Variants in MYL10 observed in about 807,000 individuals in gnomAD.
MYL10 encodes the protein myosin light chain 10, also known as myosin regulatory light chain 10.
In MYL10, 18 loss-of-function variants were observed where a neutral mutation model predicts 21.9. That is an observed-to-expected ratio of 0.82 (90% CI 0.57 to 1.22). MYL10 has a LOEUF of 1.22. MYL10 is among the 50% of genes most tolerant of loss of function. MYL10 has a pLI of 0.00. For synonymous variants in MYL10, 88 were observed against 82.8 expected (o/e 1.06, Z -0.34); for missense variants, 225 against 230.4 (o/e 0.98, Z 0.15).
chr7:101,622,212 G>A lies in MYL10; in HGVS notation c.350-12C>T. On this transcript the variant is annotated splice_polypyrimidine_tract_variant and intron_variant, in intron 4 of 7. Coordinates refer to ENST00000223167, the MANE Select transcript of MYL10 (RefSeq NM_138403.5). ...GACATTGATGCGGCCTGTGGGAGGT[G>A]AGAGGTGGGGGCAGGGAGGATAAGA... The A allele has an allele frequency of 6.2e-7, 1 of 1,602,320 alleles. No individual in the cohort carries two copies. The highest frequency in any genetic ancestry group is 8.5e-7 in the Non-Finnish European group (1 of 1,170,612).
intron 5 of MYL10, among the ~76,000 whole-genome samples, chr7:101,618,801 A>G (rs554675180): frequency 7.2e-5 from 11 of 152,248 alleles, no homozygotes; most frequent in Middle Eastern, 3.4e-3. Flanking sequence ...GCGCCCCTGC[A>G]AAAATGAGAA....
At chr7:101,625,955 A>G (rs1796741023) in intron 1 of MYL10, among the ~76,000 whole-genome samples, 1 of 120,570 alleles carries the variant, frequency 8.3e-6, no homozygotes, top group Admixed American at 9.6e-5. Flanking sequence ...CCCACCCTAC[A>G]CTGTCCCAGA....
At chr7:101,628,966 A>T (rs1486222809) in intron 1 of MYL10, 75 bp downstream of exon 1, 4 of 438,316 alleles carry the variant, frequency 9.1e-6, no homozygotes, top group Non-Finnish European at 1.8e-5. Context: ...GAGGAAACTG[A>T]GGCACGCATG....
chr7:101,622,262 G>A (rs1796689285), intron 4 of MYL10, 62 bp from the exon 5 acceptor site: 14 of 1,334,458 alleles, frequency 1.0e-5, no homozygotes, highest in Non-Finnish European at 1.4e-5. Context: ...GGCCTCGGAG[G>A]ATCCCACAAA....
Position 101,619,502 on chromosome 7 carries a change from C to T in MYL10, c.454+2594G>A, listed in dbSNP as rs187451847. Among the ~76,000 whole-genome samples the T allele has an allele frequency of 6.2e-4, 94 of 152,292 alleles. 2 individuals carry two copies. The East Asian group carries it at 0.017, about 28-fold the overall frequency. On this transcript the variant is annotated intron_variant, in intron 5 of 7. Transcript: ENST00000223167. ...GGCTGCTCTACCCCACAGCAGGTCA[C>T]GACCCATGACAGTACTGATTTTTCA...
rs143530980 is a variant in MYL10, at chr7:101,622,430, T to G, written c.350-230A>C. On this transcript the variant is annotated intron_variant, in intron 4 of 7. Transcript: ENST00000223167. Reference sequence around the variant, plus strand: ...AGTCACTCTCATCCCCATTTTACGGTGAAGAAACTGAGGCCCAAGAAGCTG... The same window carrying G: ...AGTCACTCTCATCCCCATTTTACGGGGAAGAAACTGAGGCCCAAGAAGCTG... Among the ~76,000 whole-genome samples the G allele has an allele frequency of 4.2e-3, 642 of 152,070 alleles. 2 individuals carry two copies. The highest frequency in any genetic ancestry group is 0.015 in the African/African-American group (617 of 41,484).
chr7:101,616,272 G>A lies in MYL10; in HGVS notation c.481C>T (p.His161Tyr), dbSNP rs1333917797. The A allele has an allele frequency of 6.2e-7, 1 of 1,614,158 alleles. No homozygotes were observed. Among genetic ancestry groups the A allele is most frequent in the Non-Finnish European group, 8.5e-7 (1 of 1,180,000 alleles). The change falls in exon 6 of 8, where the codon CAC becomes TAC. Residue 161 changes from histidine to tyrosine, a missense_variant. Coordinates refer to ENST00000223167, the MANE Select transcript of MYL10 (RefSeq NM_138403.5). ...KGTDPEETIL[H>Y]AFKVFDTEGK... ...TCAGTGTCGAACACTTTGAAGGCGT[G>A]GAGAATGGTCTCCTCTGGGTCCGTG... is the stretch of plus-strand genomic sequence containing the variant.
At chr7:101,621,646 T>C (rs1274151845) in intron 5 of MYL10, among the ~76,000 whole-genome samples, 1 of 151,998 alleles carries the variant, frequency 6.6e-6, no homozygotes, top group Non-Finnish European at 1.5e-5. Context: ...TGGAGTGCAG[T>C]GGTGCGATCT....
chr7:101,622,228 G>A, intron 4 of MYL10, 28 bp from the exon 5 acceptor site: 5 of 1,547,260 alleles, frequency 3.2e-6, no homozygotes, highest in Non-Finnish European at 4.4e-6. Flanking sequence ...TGGGGGCAGG[G>A]AGGATAAGAG....
rs186156264 is a variant in MYL10, at chr7:101,617,807, C to T, written c.455-1509G>A. Among the ~76,000 whole-genome samples the T allele has an allele frequency of 9.9e-5, 15 of 151,824 alleles. No individual in the cohort carries two copies. The East Asian group carries it at 2.1e-3, about 22-fold the overall frequency. On this transcript the variant is annotated intron_variant, in intron 5 of 7. Transcript: ENST00000223167. The stretch of plus-strand genomic sequence containing the variant: ...TGGATCAGGGCCATCTGTGTCTCCC[C>T]GATCAGACTGGGTCAGGGCCATCTG...
At chr7:101,620,096 C>A (rs1047061994) in intron 5 of MYL10, among the ~76,000 whole-genome samples, 1 of 151,800 alleles carries the variant, frequency 6.6e-6, no homozygotes, top group African/African-American at 2.4e-5. Flanking sequence ...CGGATATGGG[C>A]GGATCACTTG....
chr7:101,617,166 C>T (rs1408405334), intron 5 of MYL10, among the ~76,000 whole-genome samples: 1 of 152,204 alleles, frequency 6.6e-6, no homozygotes, highest in Non-Finnish European at 1.5e-5. Context: ...TGCGGGGGTG[C>T]CCCCTTCCTT....
At chr7:101,627,686 G>A (rs1796763058) in intron 1 of MYL10, among the ~76,000 whole-genome samples, 1 of 152,250 alleles carries the variant, frequency 6.6e-6, no homozygotes, top group East Asian at 1.9e-4. Flanking sequence ...CAAATACCAC[G>A]GACGCAGGGA....
chr7:101,615,618 G>T (rs533882014), intron 6 of MYL10, among the ~76,000 whole-genome samples: 1 of 144,956 alleles, frequency 6.9e-6, no homozygotes, highest in Non-Finnish European at 1.5e-5. Context: ...TGGGCAACCT[G>T]CAGTCATTCT....
At chr7:101,615,934 A>T (rs1244243316) in intron 6 of MYL10, among the ~76,000 whole-genome samples, 1 of 151,830 alleles carries the variant, frequency 6.6e-6, no homozygotes, top group Non-Finnish European at 1.5e-5. Flanking sequence ...CCTGGTCTCA[A>T]GTGATCTGCC....
At chr7:101,622,833 C>A (rs905273174) in intron 4 of MYL10, among the ~76,000 whole-genome samples, 164 bp downstream of exon 4, 4 of 152,244 alleles carry the variant, frequency 2.6e-5, no homozygotes, top group Middle Eastern at 3.4e-3. Context: ...TCCAACCCCC[C>A]AGGAAGGTCC....
chr7:101,626,422 C>G (rs1264058402), intron 1 of MYL10, among the ~76,000 whole-genome samples: 1 of 152,182 alleles, frequency 6.6e-6, no homozygotes, highest in Non-Finnish European at 1.5e-5. Context: ...AGAGAAGCCC[C>G]TAGGCCCTCG....
At chr7:101,618,530 G>A (rs1274008283) in intron 5 of MYL10, among the ~76,000 whole-genome samples, 1 of 152,164 alleles carries the variant, frequency 6.6e-6, no homozygotes, top group Admixed American at 6.5e-5. Flanking sequence ...CCCTGTTACC[G>A]TGGCTGGCAG....
Position 101,629,185 on chromosome 7 carries a change from T to A in MYL10, c.-67A>T, listed in dbSNP as rs848644. On this transcript the variant is annotated 5_prime_UTR_variant, in exon 1 of 8. Coordinates refer to ENST00000223167, the MANE Select transcript of MYL10 (RefSeq NM_138403.5). Reference sequence around the variant, plus strand: ...AAATTAGTCAGGCATAGTGGTGAAGTGAAAAAGTTCCCTTATCCCGTTCAT... The same window carrying A: ...AAATTAGTCAGGCATAGTGGTGAAGAGAAAAAGTTCCCTTATCCCGTTCAT... 6.1e-6 allele frequency: 2 copies of A among 328,006 alleles called. No homozygotes were observed. Among genetic ancestry groups the A allele is most frequent in the Non-Finnish European group, 1.2e-5 (2 of 167,108 alleles). The allele number at this position is 328,006 out of a possible 1,614,324, so 20.3% of individuals were successfully genotyped here.
Sources: gnomAD v4.1 joint callset for allele counts (sites outside exome capture counted in the v4.1 genomes callset) on GRCh38, gnomAD v4.1.1 for gene constraint, MANE v1.5 for transcripts, NCBI Gene and HGNC (gene_info 2026-07-23, HGNC 2026-07-21) for gene names.